Variants in ARHGAP32 observed in about 807,000 individuals in gnomAD.
ARHGAP32 encodes rho GTPase-activating protein 32.
A neutral mutation model predicts 186.5 loss-of-function variants in ARHGAP32; 51 were observed. That is an observed-to-expected ratio of 0.27 (90% CI 0.22 to 0.35). ARHGAP32 has a LOEUF of 0.35. Among genes scored for constraint, ARHGAP32 ranks in the 10% least tolerant of loss-of-function variants. The pLI, the probability that ARHGAP32 is intolerant of heterozygous loss-of-function variation, is 1.00. For synonymous variants in ARHGAP32, 950 were observed against 964.3 expected (o/e 0.99, Z 0.27); for missense variants, 2,186 against 2,623.5 (o/e 0.83, Z 3.64).
At chr11:129,244,926 A>G (rs1384958714) in intron 1 of ARHGAP32, among the ~76,000 whole-genome samples, 6 of 151,136 alleles carry the variant, frequency 4.0e-5, no homozygotes, top group African/African-American at 7.3e-5. Context: ...TTAGAATGGC[A>G]ATCATTAAAA....
chr11:129,012,668 A>T (rs1237660568), intron 11 of ARHGAP32, among the ~76,000 whole-genome samples: 2 of 152,234 alleles, frequency 1.3e-5, no homozygotes, highest in Non-Finnish European at 2.9e-5. Context: ...TAAAAGATCA[A>T]ATAAATAAAA....
At chr11:129,263,414 G>T (rs1018516944) in intron 1 of ARHGAP32, among the ~76,000 whole-genome samples, 1 of 151,960 alleles carries the variant, frequency 6.6e-6, no homozygotes, top group Non-Finnish European at 1.5e-5. Context: ...ATGAGCAAAG[G>T]CCTTGAACAC....
chr11:129,230,103 G>A (rs1035703649), intron 1 of ARHGAP32, among the ~76,000 whole-genome samples: 19 of 152,106 alleles, frequency 1.2e-4, no homozygotes, highest in Non-Finnish European at 2.5e-4. Context: ...ACGAACCATT[G>A]TGCGCAGCCT....
At chr11:129,276,048 A>T (rs1945525469) in intron 1 of ARHGAP32, among the ~76,000 whole-genome samples, 1 of 152,240 alleles carries the variant, frequency 6.6e-6, no homozygotes, top group African/African-American at 2.4e-5. Flanking sequence ...AGGGCAACGC[A>T]GGAAGATCGC....
At chr11:129,090,928 A>C (rs1368435720) in intron 6 of ARHGAP32, among the ~76,000 whole-genome samples, 1 of 152,132 alleles carries the variant, frequency 6.6e-6, no homozygotes, top group Admixed American at 6.6e-5. Flanking sequence ...TTTCAAACTA[A>C]ATACATTAAC....
chr11:129,221,123 G>A (rs1428188481), intron 1 of ARHGAP32, among the ~76,000 whole-genome samples: 1 of 152,032 alleles, frequency 6.6e-6, no homozygotes, highest in Non-Finnish European at 1.5e-5. Context: ...TCTGGAAGCT[G>A]AGGACACCGA....
intron 6 of ARHGAP32, among the ~76,000 whole-genome samples, chr11:129,068,814 T>C (rs1385192208): frequency 6.6e-6 from 1 of 152,058 alleles, no homozygotes. Context: ...AATTGACATG[T>C]ATTGTAAAAC....
chr11:129,064,613 T>C (rs1409241304), intron 8 of ARHGAP32, among the ~76,000 whole-genome samples: 1 of 152,108 alleles, frequency 6.6e-6, no homozygotes. Flanking sequence ...ATAACAGGTA[T>C]CATCGAGATT....
chr11:128,987,884 C>T (rs1278933957), intron 13 of ARHGAP32, 139 bp downstream of exon 13: 1 of 638,088 alleles, frequency 1.6e-6, no homozygotes, highest in African/African-American at 1.8e-5. Flanking sequence ...TATACAGAGA[C>T]AATAACATGT....
At chr11:129,054,853 A>C (rs1940187238) in intron 10 of ARHGAP32, among the ~76,000 whole-genome samples, 1 of 152,172 alleles carries the variant, frequency 6.6e-6, no homozygotes, top group Non-Finnish European at 1.5e-5. Context: ...CACACTTCCT[A>C]CTCCCAGAAG....
chr11:129,158,863 A>G (rs1943470118), intron 2 of ARHGAP32, among the ~76,000 whole-genome samples: 3 of 151,502 alleles, frequency 2.0e-5, no homozygotes, highest in Admixed American at 2.0e-4. Flanking sequence ...ACAGTCTCCC[A>G]AACAATAGGC....
At chr11:129,246,941 A>G (rs1317031514) in intron 1 of ARHGAP32, among the ~76,000 whole-genome samples, 1 of 152,128 alleles carries the variant, frequency 6.6e-6, no homozygotes, top group Admixed American at 6.5e-5. Context: ...TTGGAACCTG[A>G]TGGTAGCTGA....
rs1296832893 is a variant in ARHGAP32, at chr11:128,967,683, A to C, written c.*1224T>G. The C allele has an allele frequency of 2.0e-5, 3 of 152,232 alleles. No homozygotes were observed. Among genetic ancestry groups the C allele is most frequent in the South Asian group, 2.1e-4 (1 of 4,828 alleles). The allele number at this position is 152,232 out of a possible 1,614,324, so 9.4% of individuals were successfully genotyped here. A position where few individuals can be genotyped will look rare whatever the true frequency, so the allele number is the denominator to read the frequency against. ...GTAATTACAAGAAGACTGTGACCAC[A>C]CAAGTATAGAGTAAGCAAACGACAG... is the stretch of plus-strand genomic sequence containing the variant. On this transcript the variant is annotated 3_prime_UTR_variant, in exon 23 of 23. Transcript: ENST00000682385.
In ARHGAP32 at chr11:129,240,322, GA is replaced by G. The variant is rs532629165; in HGVS notation, c.-5+38823del. On this transcript the variant is annotated intron_variant, in intron 1 of 6. Coordinates refer to the ARHGAP32 transcript ENST00000525234. ...CACTTACTAGCTATATGACCTTGGG[GA>G]AAAAAAAAAATCTGGTCAAACTGAA... Among the ~76,000 whole-genome samples the G allele has an allele frequency of 1.1e-3, 167 of 147,098 alleles. 2 individuals carry two copies. The highest frequency in any genetic ancestry group is 7.7e-3 in the South Asian group (36 of 4,650).
intron 1 of ARHGAP32, among the ~76,000 whole-genome samples, chr11:129,260,860 G>T (rs764634901): frequency 2.2e-4 from 33 of 152,236 alleles, no homozygotes; most frequent in Non-Finnish European, 3.7e-4. Flanking sequence ...TTTTTTAGCA[G>T]CTAGGCTGCA....
chr11:129,092,292 G>A (rs754211588), intron 6 of ARHGAP32, among the ~76,000 whole-genome samples: 15 of 151,370 alleles, frequency 9.9e-5, no homozygotes, highest in East Asian at 1.9e-4. Flanking sequence ...TTGCATTCTC[G>A]AAGCATATGG....
chr11:128,985,854 GTGTGTATATA>G (rs1419161247), intron 15 of ARHGAP32, 139 bp downstream of exon 15: 14 of 120,360 alleles, frequency 1.2e-4, no homozygotes, highest in African/African-American at 3.1e-4. Context: ...GTGTGTGTGT[GTGTGTATATA>G]TATATATATA....
rs1449363979 is a variant in ARHGAP32, at chr11:128,998,599, A to G, written c.1046-131T>C. On this transcript the variant is annotated intron_variant, in intron 11 of 22. Transcript: ENST00000682385. ...ATGAATATACTTTATAATCTTTAGG[A>G]AAATGTCAGTACAAGTTTAAGCTAA... The G allele has an allele frequency of 5.2e-6, 3 of 576,386 alleles. No individual in the cohort carries two copies. In the African/African-American group the frequency reaches 5.8e-5, roughly 11 times the overall value. 35.7% of individuals were successfully genotyped at this position (576,386 alleles called of 1,614,324 possible).
intron 11 of ARHGAP32, among the ~76,000 whole-genome samples, chr11:129,021,705 A>G (rs938090117): frequency 2.0e-5 from 3 of 152,134 alleles, no homozygotes; most frequent in African/African-American, 7.2e-5. Context: ...AAGTGATACT[A>G]ATTTTTATTT....
Sources: gnomAD v4.1 joint callset for allele counts (sites outside exome capture counted in the v4.1 genomes callset) on GRCh38, gnomAD v4.1.1 for gene constraint, MANE v1.5 for transcripts, NCBI Gene and HGNC (gene_info 2026-07-23, HGNC 2026-07-21) for gene names.